The following FCMR variants were observed in gnomAD, a reference collection of about 807,000 sequenced individuals.
FCMR encodes the protein Fc mu receptor, also known as immunoglobulin mu Fc receptor.
A neutral mutation model predicts 41.6 loss-of-function variants in FCMR; 34 were observed. That is an observed-to-expected ratio of 0.82 (90% CI 0.62 to 1.09). FCMR has a LOEUF of 1.09. FCMR is among the 50% of genes least tolerant of loss of function. The pLI is 0.00. For missense variants in FCMR, 496 were observed against 512.5 expected, an observed-to-expected ratio of 0.97 and a Z score of 0.31; for synonymous variants, 209 against 211.8, an observed-to-expected ratio of 0.99 and a Z score of 0.12.
chr1:206,921,493 A>G (rs1679438260), intron 1 of FCMR: 3 of 454,778 alleles, frequency 6.6e-6, no homozygotes, highest in Admixed American at 5.7e-5. Context: ...CCTAGCTACT[A>G]GAGAGTCTGG....
At chr1:206,907,825 T>G in intron 7 of FCMR, 1 of 1,400,934 alleles carries the variant, frequency 7.1e-7, no homozygotes, top group Non-Finnish European at 1.0e-6. Flanking sequence ...CTTCCCGAGG[T>G]CCCTACCACT....
At chr1:206,907,918 C>G (rs1678743380) in intron 7 of FCMR, 12 of 1,255,526 alleles carry the variant, frequency 9.6e-6, no homozygotes, top group Non-Finnish European at 1.3e-5. Context: ...CGCCCTGGAC[C>G]ACCTCAAGGT....
chr1:206,906,298 T>C (rs989815164), intron 7 of FCMR: 1 of 253,846 alleles, frequency 3.9e-6, no homozygotes, highest in Non-Finnish European at 8.0e-6. Flanking sequence ...AAGGTGGTAA[T>C]ACCTGAGCTT....
chr1:206,915,273 C>T (rs905224342), intron 1 of FCMR, among the ~76,000 whole-genome samples: 1 of 152,092 alleles, frequency 6.6e-6, no homozygotes, highest in Admixed American at 6.5e-5. Context: ...GGAGCAAACC[C>T]GGGCGCCTGA....
In FCMR at chr1:206,905,145, C is replaced by T. The variant is rs1678569705; in HGVS notation, c.1047G>A (p.Val349=). 6.2e-7 allele frequency: 1 copy of T among 1,614,038 alleles called. No individual in the cohort carries two copies. The highest frequency in any genetic ancestry group is 8.5e-7 in the Non-Finnish European group (1 of 1,179,968). The change falls in exon 8 of 8, where the codon GTG becomes GTA. Residue 349 remains valine (V), a splice_region_variant and synonymous_variant. Coordinates refer to ENST00000367091, the MANE Select transcript of FCMR (RefSeq NM_005449.5). ...GGGCATGGAGCCAGGGAGATTCAGACACCTGGGGACAATGAAAGAAGCATC... is the reference window on the plus strand; with the variant it reads ...GGGCATGGAGCCAGGGAGATTCAGATACCTGGGGACAATGAAAGAAGCATC... The part of the protein sequence containing the change: ...GAPLPPAPLQ[V]SESPWLHAPS...
rs1678819230 is a variant in FCMR, at chr1:206,909,440, T to C, written c.1044+22A>G. 2.4e-6 allele frequency: 3 copies of C among 1,230,466 alleles called. No individual in the cohort carries two copies. Among genetic ancestry groups the C allele is most frequent in the Non-Finnish European group, 3.0e-6 (3 of 984,406 alleles). 76.2% of individuals were successfully genotyped at this position (1,230,466 alleles called of 1,614,324 possible). On this transcript the variant is annotated intron_variant, in intron 7 of 7. Coordinates refer to ENST00000367091, the MANE Select transcript of FCMR (RefSeq NM_005449.5). The surrounding 1 kb of genome is among the most constrained non-coding windows in gnomAD (Gnocchi z 5.0). The stretch of plus-strand genomic sequence containing the variant: ...CGCCCAGTCGGGCCGCGGCTGCCAA[T>C]CAGGGCAGGAGCGGAGCTTACCTGC...
At chr1:206,923,134 G>A (rs1001154337), upstream of FCMR, 5 of 152,310 alleles carry the variant, frequency 3.3e-5, no homozygotes, top group Non-Finnish European at 5.9e-5. Flanking sequence ...TGGAGGATCC[G>A]GGCTATACTC....
rs564977515 is a variant in FCMR, at chr1:206,913,135, G to A, written c.374-93C>T. 2.7e-5 allele frequency: 26 copies of A among 947,674 alleles called. No individual in the cohort carries two copies. The African/African-American group carries it at 3.0e-4, about 11-fold the overall frequency. 58.7% of individuals were successfully genotyped at this position (947,674 alleles called of 1,614,324 possible). A position where few individuals can be genotyped will look rare whatever the true frequency, so the allele number is the denominator to read the frequency against. On this transcript the variant is annotated intron_variant, in intron 2 of 7. Transcript: ENST00000367091. ...GCTAATTCAGCCAAAGTGGATGACA[G>A]TGAGGGGATGAGGGCAGGGTCCACT...
intron 7 of FCMR, among the ~76,000 whole-genome samples, chr1:206,907,092 GGGT>G: frequency 1.7e-5 from 1 of 57,506 alleles, no homozygotes; most frequent in South Asian, 6.6e-4. Flanking sequence ...GGGGGTGGGG[GGGT>G]GGGGGGGTGG....
rs764783416 is a variant in FCMR at position 206,903,336 on chromosome 1, T to C, written c.*1683A>G. The C allele has an allele frequency of 8.4e-6, 3 of 357,164 alleles. No homozygotes were observed. Among genetic ancestry groups the C allele is most frequent in the Non-Finnish European group, 1.0e-5 (2 of 192,290 alleles). 22.1% of individuals were successfully genotyped at this position (357,164 alleles called of 1,614,324 possible). A position where few individuals can be genotyped will look rare whatever the true frequency, so the allele number is the denominator to read the frequency against. On this transcript the variant is annotated 3_prime_UTR_variant, in exon 8 of 8. Transcript: ENST00000367091. ...TCAGTATTTCAACTGAAGTTCTATT[T>C]ATTTGTGAGACTGTAAGTTACATGA...
chr1:206,910,070 G>T, intron 5 of FCMR, 140 bp downstream of exon 5: 1 of 1,160,900 alleles, frequency 8.6e-7, no homozygotes, highest in Non-Finnish European at 1.2e-6. Flanking sequence ...CAGACCAGTG[G>T]CCCCCACTTC....
chr1:206,920,339 C>T (rs1050136692), intron 1 of FCMR, among the ~76,000 whole-genome samples: 1 of 151,832 alleles, frequency 6.6e-6, no homozygotes, highest in African/African-American at 2.4e-5. Context: ...CCTGTAATCC[C>T]AGCTACTTGG....
chr1:206,909,683 G>T lies in FCMR; in HGVS notation c.985+42C>A. The T allele has an allele frequency of 7.3e-7, 1 of 1,375,962 alleles. No individual in the cohort carries two copies. The highest frequency in any genetic ancestry group is 9.3e-7 in the Non-Finnish European group (1 of 1,074,502). 85.2% of individuals were successfully genotyped at this position (1,375,962 alleles called of 1,614,324 possible). The stretch of plus-strand genomic sequence containing the variant: ...TGCGCCCGGCTTTCCCGGAGCCAGC[G>T]CACTCTTTCCGCTACTCCCCGTGGC... On this transcript the variant is annotated intron_variant, in intron 6 of 7. Transcript: ENST00000367091. This position sits in a 1 kb window ranked among gnomAD's most constrained non-coding sequence, Gnocchi z 5.0.
At chr1:206,919,910 G>A (rs940380852) in intron 1 of FCMR, among the ~76,000 whole-genome samples, 4 of 152,070 alleles carry the variant, frequency 2.6e-5, no homozygotes, top group Admixed American at 6.5e-5. Flanking sequence ...ACTCCATTCC[G>A]TTGGACTTTT....
At chr1:206,920,433 C>T (rs1487540790) in intron 1 of FCMR, among the ~76,000 whole-genome samples, 1 of 128,606 alleles carries the variant, frequency 7.8e-6, no homozygotes, top group East Asian at 2.2e-4. Flanking sequence ...CCAGTCGGGG[C>T]AACAGAGAGA....
chr1:206,904,604 A>G lies in FCMR; in HGVS notation c.*415T>C, dbSNP rs778814850. On this transcript the variant is annotated 3_prime_UTR_variant, in exon 8 of 8. Transcript: ENST00000367091. The stretch of plus-strand genomic sequence containing the variant: ...CAGAGCAAGAGCCTTCTATTTGTGT[A>G]AGACCCAACCCTGGGAAGGATGCCC... 5 of 214,892 alleles carry G rather than the reference A, an allele frequency of 2.3e-5. No homozygotes were observed. Among genetic ancestry groups the G allele is most frequent in the Non-Finnish European group, 3.8e-5 (4 of 105,068 alleles). 13.3% of individuals were successfully genotyped at this position (214,892 alleles called of 1,614,324 possible).
chr1:206,914,310 T>TTTCCTTCCTTCCTTCC lies in FCMR; in HGVS notation c.38-232_38-217dup, dbSNP rs139221448. 3.9e-3 allele frequency among the ~76,000 whole-genome samples: 562 copies of TTTCCTTCCTTCCTTCC among 145,668 alleles called. 7 individuals are homozygous for TTTCCTTCCTTCCTTCC. Among genetic ancestry groups the TTTCCTTCCTTCCTTCC allele is most frequent in the Middle Eastern group, 6.8e-3 (2 of 292 alleles). On this transcript the variant is annotated intron_variant, in intron 1 of 7. Transcript: ENST00000367091. The stretch of plus-strand genomic sequence containing the variant: ...TCATTTCTTTTTTCTTTTTCTTTTC[T>TTTCCTTCCTTCCTTCC]TTCCTTCCTTCCTTCCTTCCTTCCT...
intron 7 of FCMR, among the ~76,000 whole-genome samples, chr1:206,905,471 T>C (rs1045686364): frequency 6.6e-6 from 1 of 152,180 alleles, no homozygotes; most frequent in African/African-American, 2.4e-5. Context: ...CTGTGACTTA[T>C]GGCATAAATA....
chr1:206,919,521 G>T (rs1679342994), intron 1 of FCMR, among the ~76,000 whole-genome samples: 1 of 152,160 alleles, frequency 6.6e-6, no homozygotes, highest in South Asian at 2.1e-4. Flanking sequence ...ACTTGAGTCT[G>T]GGAAGTTGAG....
Sources: allele counts gnomAD v4.1 joint callset (sites outside exome capture counted in the v4.1 genomes callset), GRCh38; gene constraint gnomAD v4.1.1; non-coding constraint Gnocchi (gnomAD v3.1); transcripts MANE v1.5; gene names NCBI Gene and HGNC (gene_info 2026-07-23, HGNC 2026-07-21).